CLHC1: variants seen among roughly 807,000 people sequenced by gnomAD.
CLHC1 encodes clathrin heavy chain linker domain-containing protein 1.
In CLHC1, 72 loss-of-function variants were observed where a neutral mutation model predicts 69.5. That is an observed-to-expected ratio of 1.04 (90% CI 0.86 to 1.26). The LOEUF (loss-of-function observed/expected upper bound fraction) is 1.26. Ranked by LOEUF, CLHC1 falls within the 50% of genes most tolerant of loss-of-function variation. The probability of loss-of-function intolerance (pLI) is 0.00; values close to 1 mark genes in which losing one functional copy is unlikely to be tolerated. For missense variants in CLHC1, 790 were observed against 679.3 expected (o/e 1.16, Z -1.81); for synonymous variants, 223 against 224.3 (o/e 0.99, Z 0.05).
intron 10 of CLHC1, 70 bp downstream of exon 10, chr2:55,181,500 T>C (rs1669927583): frequency 8.7e-7 from 1 of 1,154,654 alleles, no homozygotes; most frequent in Non-Finnish European, 1.3e-6. Context: ...ATAAAGCTAT[T>C]AATATTTTTA....
intron 9 of CLHC1, among the ~76,000 whole-genome samples, chr2:55,205,208 A>G (rs1672321663): frequency 1.3e-5 from 2 of 152,162 alleles, no homozygotes; most frequent in South Asian, 2.1e-4. Flanking sequence ...CAGTATGGAA[A>G]TTTCTCAAAG....
chr2:55,191,122 T>C (rs1332179746), intron 9 of CLHC1, among the ~76,000 whole-genome samples: 2 of 152,136 alleles, frequency 1.3e-5, no homozygotes, highest in African/African-American at 4.8e-5. Context: ...CTAGTAAAAA[T>C]ACCTTTCAAA....
At chr2:55,215,003 G>A (rs771273255) in intron 4 of CLHC1, 12 of 152,020 alleles carry the variant, frequency 7.9e-5, no homozygotes, top group Non-Finnish European at 1.3e-4. Flanking sequence ...GTATTTCTTC[G>A]TATTTATGAT....
intron 2 of CLHC1, chr2:55,224,249 A>C: frequency 3.0e-6 from 1 of 333,410 alleles, no homozygotes; most frequent in Non-Finnish European, 6.1e-6. Flanking sequence ...GCCAGCTGAT[A>C]ATGTACTTGA....
At chr2:55,211,122 T>A (rs148312921) in intron 5 of CLHC1, among the ~76,000 whole-genome samples, 19 of 152,306 alleles carry the variant, frequency 1.2e-4, no homozygotes, top group African/African-American at 4.1e-4. Flanking sequence ...CAGAATTTTC[T>A]CAGCACTTAG....
At chr2:55,184,919 AACACACACAC>A (rs561837633) in intron 9 of CLHC1, among the ~76,000 whole-genome samples, 47 of 126,094 alleles carry the variant, frequency 3.7e-4, no homozygotes, top group South Asian at 8.0e-4. Flanking sequence ...AAAAAAACAA[AACACACACAC>A]ACACACACAC....
At chr2:55,191,560 G>A (rs1032780437) in intron 9 of CLHC1, among the ~76,000 whole-genome samples, 1 of 152,098 alleles carries the variant, frequency 6.6e-6, no homozygotes. Context: ...ACAAAGAAAT[G>A]AAGAATAGAT....
chr2:55,229,575 G>C (rs888605164), intron 1 of CLHC1, among the ~76,000 whole-genome samples: 9 of 152,202 alleles, frequency 5.9e-5, no homozygotes, highest in East Asian at 1.9e-4. Flanking sequence ...ATCAGCCTAG[G>C]GGGTACCTTT....
In CLHC1 at chr2:55,206,357, G is replaced by C. The variant is rs1238745012; in HGVS notation, c.919C>G (p.Leu307Val). The C allele has an allele frequency of 1.2e-5, 19 of 1,602,970 alleles. No individual in the cohort carries two copies. The highest frequency in any genetic ancestry group is 2.2e-5 in the East Asian group (1 of 44,752). Residue 307 changes from leucine (L) to valine (V), a missense_variant, in exon 9 of 13, where the codon CTT becomes GTT. Transcript: ENST00000401408. The part of the protein sequence containing the change: ...YIERFNELIS[L>V]GEYEKAACYA... ...CAAGCTGCCTTTTCATATTCACCAAGTGAGATTAACTCATTAAACCTATAG... is the reference window on the plus strand; with the variant it reads ...CAAGCTGCCTTTTCATATTCACCAACTGAGATTAACTCATTAAACCTATAG...
chr2:55,227,779 G>A (rs564430861), intron 2 of CLHC1, among the ~76,000 whole-genome samples: 7 of 152,006 alleles, frequency 4.6e-5, no homozygotes, highest in South Asian at 2.1e-4. Flanking sequence ...GCTTCCTACC[G>A]TATTACCCTT....
intron 9 of CLHC1, among the ~76,000 whole-genome samples, chr2:55,202,495 G>A (rs1672047445): frequency 1.3e-5 from 2 of 151,274 alleles, no homozygotes; most frequent in Admixed American, 6.6e-5. Context: ...GGCGGAGTTT[G>A]CAGTGAGCTG....
At chr2:55,230,440 A>G (rs1675185088) in intron 1 of CLHC1, among the ~76,000 whole-genome samples, 1 of 152,224 alleles carries the variant, frequency 6.6e-6, no homozygotes, top group Admixed American at 6.5e-5. Context: ...AGATAGCTGG[A>G]TATGTGAAGA....
At position 55,209,960 on chromosome 2, in the gene CLHC1, C is replaced by G. The variant is rs184898900; in HGVS notation, c.500-129G>C. 433 of 593,868 alleles carry G rather than the reference C, an allele frequency of 7.3e-4. 2 individuals are homozygous for G. In the Admixed American group the frequency reaches 9.3e-3, roughly 13 times the overall value. 36.8% of individuals were successfully genotyped at this position (593,868 alleles called of 1,614,324 possible). On this transcript the variant is annotated intron_variant, in intron 5 of 12. Transcript: ENST00000401408. ...TAGAAATGATAGTATGTACTTATAG[C>G]TTACTGAACATAAGTAAAATTAGCA...
intron 5 of CLHC1, among the ~76,000 whole-genome samples, chr2:55,210,353 G>A (rs1255779294): frequency 6.6e-6 from 1 of 151,778 alleles, no homozygotes; most frequent in East Asian, 1.9e-4. Flanking sequence ...CTGCCACCAT[G>A]CCCGGCTAAT....
At chr2:55,204,924 G>T (rs144908819) in intron 9 of CLHC1, among the ~76,000 whole-genome samples, 32 of 152,186 alleles carry the variant, frequency 2.1e-4, no homozygotes, top group African/African-American at 7.7e-4. Flanking sequence ...GGTTACCAGA[G>T]GCTATGAAGG....
chr2:55,186,096 C>T lies in CLHC1; in HGVS notation c.1007-4352G>A, dbSNP rs1354809092. ...ACTACTATTCCTGGCTATATCTTTCCCTCTCCTTAGATAAAATAAAACAAC... is the reference window on the plus strand; with the variant it reads ...ACTACTATTCCTGGCTATATCTTTCTCTCTCCTTAGATAAAATAAAACAAC... On this transcript the variant is annotated intron_variant, in intron 9 of 12. Coordinates refer to ENST00000401408, the MANE Select transcript of CLHC1 (RefSeq NM_152385.4). Among the ~76,000 whole-genome samples, 5 of 152,226 alleles carry T rather than the reference C, an allele frequency of 3.3e-5. No individual in the cohort carries two copies. The East Asian group carries it at 9.6e-4, about 29-fold the overall frequency.
intron 9 of CLHC1, among the ~76,000 whole-genome samples, chr2:55,196,684 G>C (rs1018673380): frequency 6.6e-6 from 1 of 152,190 alleles, no homozygotes. Context: ...TGAATGACCA[G>C]CAGCAGTAGC....
chr2:55,196,977 G>A (rs1221998812), intron 9 of CLHC1, among the ~76,000 whole-genome samples: 1 of 152,158 alleles, frequency 6.6e-6, no homozygotes, highest in African/African-American at 2.4e-5. Context: ...TGCCCTGAGG[G>A]GTGAGTTTCA....
At position 55,189,596 on chromosome 2, in the gene CLHC1, T is replaced by C. The variant is rs187528935; in HGVS notation, c.1007-7852A>G. On this transcript the variant is annotated intron_variant, in intron 9 of 12. Coordinates refer to ENST00000401408, the MANE Select transcript of CLHC1 (RefSeq NM_152385.4). ...GCCAGTTAGAGTCTGAGTTCCTGAA[T>C]TGAGGACACGGAGCTGGAAGTCTGG... 7.2e-5 allele frequency among the ~76,000 whole-genome samples: 11 copies of C among 152,208 alleles called. No individual in the cohort carries two copies. In the East Asian group the frequency reaches 7.7e-4, roughly 11 times the overall value.
Sources: allele counts gnomAD v4.1 joint callset (sites outside exome capture counted in the v4.1 genomes callset), GRCh38; gene constraint gnomAD v4.1.1; transcripts MANE v1.5; gene names NCBI Gene and HGNC (gene_info 2026-07-23, HGNC 2026-07-21).